CEP126: variants seen among roughly 807,000 people sequenced by gnomAD.
The protein encoded by CEP126 is centrosomal protein 126.
In CEP126, 74 loss-of-function variants were observed where a neutral mutation model predicts 107.8. That is an observed-to-expected ratio of 0.69 (90% CI 0.57 to 0.83). The LOEUF (loss-of-function observed/expected upper bound fraction) is 0.83, where lower values mean the gene tolerates loss of function less well. Among genes scored for constraint, CEP126 ranks in the 40% least tolerant of loss-of-function variants. The pLI, the probability that CEP126 is intolerant of heterozygous loss-of-function variation, is 0.00. For synonymous variants in CEP126, 449 were observed against 446.0 expected (o/e 1.01, Z -0.08); for missense variants, 1,237 against 1,281.9 (o/e 0.96, Z 0.53).
chr11:101,979,830 A>G (rs1941235517), intron 7 of CEP126, among the ~76,000 whole-genome samples: 1 of 152,228 alleles, frequency 6.6e-6, no homozygotes, highest in African/African-American at 2.4e-5. Context: ...GGCATTTTCT[A>G]GAGGTCTAAC....
rs962861830 is a variant in CEP126, at chr11:101,979,138, GA to G, written c.2958+689del. Among the ~76,000 whole-genome samples, 12 of 142,998 alleles carry G rather than the reference GA, an allele frequency of 8.4e-5. No homozygotes were observed. In the South Asian group the frequency reaches 1.8e-3, roughly 21 times the overall value. The allele number at this position is 142,998 out of a possible 152,430, so 93.8% of individuals were successfully genotyped here. On this transcript the variant is annotated intron_variant, in intron 7 of 10. Transcript: ENST00000263468. ...CAAGAGCAAGACTCCATCTCAAAAA[GA>G]AAAAAAAAAGCATGCTAATCATAAA...
At chr11:101,983,912 C>T (rs1261901165) in intron 8 of CEP126, among the ~76,000 whole-genome samples, 2 of 152,210 alleles carry the variant, frequency 1.3e-5, no homozygotes, top group Non-Finnish European at 2.9e-5. Flanking sequence ...AACAAAAGGA[C>T]ATGGATCACC....
intron 2 of CEP126, among the ~76,000 whole-genome samples, chr11:101,930,883 A>G (rs1940489321): frequency 6.6e-6 from 1 of 152,206 alleles, no homozygotes. Context: ...ACTCACAGAT[A>G]TGGAGGGCAA....
At chr11:101,922,862 G>T (rs1220914852) in intron 2 of CEP126, 102 bp downstream of exon 2, 1 of 878,966 alleles carries the variant, frequency 1.1e-6, no homozygotes, top group African/African-American at 1.7e-5. Flanking sequence ...TCATGGCAGT[G>T]TTATCTGTGA....
chr11:101,925,511 C>G (rs1473113187), intron 2 of CEP126, among the ~76,000 whole-genome samples: 1 of 150,874 alleles, frequency 6.6e-6, no homozygotes, highest in Non-Finnish European at 1.5e-5. Context: ...TGACTCACAC[C>G]TGTAATCCTA....
Position 101,962,649 on chromosome 11 carries a change from A to G in CEP126, c.1614A>G (p.Gln538=), listed in dbSNP as rs1940994349. Residue 538 remains glutamine (Q), a synonymous_variant, in exon 6 of 11, where the codon CAA becomes CAG. Transcript: ENST00000263468. ...ATCCTGATTCAAAAGATGAAAAACA[A>G]AAATTAGCTGAAACATCATCCTTGT... ...PHNPDSKDEK[Q]KLAETSSLSN... is the part of the protein sequence containing the mutation. The G allele has an allele frequency of 1.2e-6, 2 of 1,612,650 alleles. No individual in the cohort carries two copies. Among genetic ancestry groups the G allele is most frequent in the South Asian group, 1.1e-5 (1 of 90,608 alleles).
Position 101,963,819 on chromosome 11 carries a change from A to T in CEP126, c.2784A>T (p.Glu928Asp). Reference protein sequence around the residue: ...YPSVTLRTAEEESVPLWKRGP... With the variant: ...YPSVTLRTAEDESVPLWKRGP... The stretch of plus-strand genomic sequence containing the variant: ...CTGTGACTCTAAGAACTGCTGAAGA[A>T]GAATCAGTTCCCTTATGGAAAAGAG... Residue 928 changes from glutamate (E) to aspartate (D), a missense_variant, in exon 6 of 11, where the codon GAA (glutamate) becomes GAT (aspartate). Glu to Asp is a conservative substitution (Grantham distance 45). This residue lies in a region of CEP126 where 1,134 missense variants were observed against 1,150.5 expected (regional missense o/e 0.99). Transcript: ENST00000263468. 1 of 1,614,170 alleles carries T rather than the reference A, an allele frequency of 6.2e-7. No individual in the cohort carries two copies. The highest frequency in any genetic ancestry group is 8.5e-7 in the Non-Finnish European group (1 of 1,179,992).
intron 1 of CEP126, 23 bp downstream of exon 1, chr11:101,915,435 G>C (rs761139539): frequency 6.3e-7 from 1 of 1,594,322 alleles, no homozygotes; most frequent in Non-Finnish European, 8.6e-7. Flanking sequence ...GCCTGTGGCT[G>C]CCAGGGTAGC....
chr11:101,985,611 C>A (rs1941307908), intron 8 of CEP126, among the ~76,000 whole-genome samples: 1 of 152,106 alleles, frequency 6.6e-6, no homozygotes, highest in Non-Finnish European at 1.5e-5. Flanking sequence ...TAGGTCTCAT[C>A]ACCAACATAT....
intron 1 of CEP126, among the ~76,000 whole-genome samples, chr11:101,918,022 C>T (rs1280445808): frequency 6.6e-6 from 1 of 152,170 alleles, no homozygotes; most frequent in Non-Finnish European, 1.5e-5. Flanking sequence ...GACTGTCTTA[C>T]CACTTGATAA....
chr11:101,959,153 C>CT (rs928703717), intron 5 of CEP126, among the ~76,000 whole-genome samples: 8 of 150,968 alleles, frequency 5.3e-5, no homozygotes, highest in East Asian at 3.9e-4. Flanking sequence ...TTCTTTTTTC[C>CT]TTTTTTTTTC....
chr11:101,955,860 G>A (rs1020063817), intron 4 of CEP126: 21 of 456,036 alleles, frequency 4.6e-5, no homozygotes, highest in Non-Finnish European at 7.1e-5. Context: ...TCTCCTCCAC[G>A]GGTCCCATTG....
At chr11:101,948,177 C>T in intron 4 of CEP126, 35 bp downstream of exon 4, 68 of 1,246,814 alleles carry the variant, frequency 5.5e-5, no homozygotes, top group Non-Finnish European at 7.1e-5. Flanking sequence ...ACAATTATTA[C>T]AATAATTGTA....
At position 102,000,765 on chromosome 11, in the gene CEP126, AAC is replaced by A. The variant is rs1941499293; in HGVS notation, c.*3126_*3127del. ...ATCAAATAATTGAAAGAAAAGTTTA[AAC>A]ACATTTCCGAGAGGCAGGGCAACTA... On this transcript the variant is annotated 3_prime_UTR_variant, in exon 11 of 11. Transcript: ENST00000263468. 6.6e-6 allele frequency: 1 copy of A among 152,176 alleles called. No individual in the cohort carries two copies. Among genetic ancestry groups the A allele is most frequent in the Non-Finnish European group, 1.5e-5 (1 of 68,036 alleles). 9.4% of individuals were successfully genotyped at this position (152,176 alleles called of 1,614,324 possible). A position where few individuals can be genotyped will look rare whatever the true frequency, so the allele number is the denominator to read the frequency against.
At chr11:101,993,302 C>G (rs913014081) in intron 10 of CEP126, among the ~76,000 whole-genome samples, 3 of 152,246 alleles carry the variant, frequency 2.0e-5, no homozygotes, top group African/African-American at 7.2e-5. Context: ...TAAGTGAGAA[C>G]GTGTGGTATT....
intron 2 of CEP126, among the ~76,000 whole-genome samples, chr11:101,926,659 G>A (rs960523130): frequency 1.3e-5 from 2 of 152,166 alleles, no homozygotes; most frequent in African/African-American, 4.8e-5. Context: ...GGAGTAGATA[G>A]GATCAGTAGG....
chr11:101,920,644 C>G (rs1940312236), intron 1 of CEP126, among the ~76,000 whole-genome samples: 1 of 149,858 alleles, frequency 6.7e-6, no homozygotes, highest in Admixed American at 6.6e-5. Context: ...CGCTGTGTTG[C>G]CCAGGCTGGA....
At chr11:101,990,177 C>G (rs1475342627) in intron 9 of CEP126, among the ~76,000 whole-genome samples, 1 of 115,724 alleles carries the variant, frequency 8.6e-6, no homozygotes, top group Non-Finnish European at 1.9e-5. Flanking sequence ...CACACCTACT[C>G]AGATTCTTCT....
At chr11:101,996,547 A>G (rs1411435785) in intron 10 of CEP126, among the ~76,000 whole-genome samples, 1 of 152,142 alleles carries the variant, frequency 6.6e-6, no homozygotes. Flanking sequence ...TGTTTTCCTG[A>G]TGGATACGGT....
Sources: gnomAD v4.1 joint callset for allele counts (sites outside exome capture counted in the v4.1 genomes callset) on GRCh38, gnomAD v4.1.1 for gene constraint, gnomAD v4.1.1 regional missense constraint, MANE v1.5 for transcripts, NCBI Gene and HGNC (gene_info 2026-07-23, HGNC 2026-07-21) for gene names.